Variants in RABL6 observed in about 807,000 individuals in gnomAD.
RABL6 encodes the protein RAB, member RAS oncogene family like 6, also known as rab-like protein 6.
RABL6 carries 28 observed loss-of-function variants against 72.9 expected under a neutral mutation model. That is an observed-to-expected ratio of 0.38 (90% CI 0.28 to 0.53). RABL6 has a LOEUF of 0.53. Ranked by LOEUF, RABL6 falls within the 20% of genes least tolerant of loss-of-function variation. The pLI is 0.80. For missense variants in RABL6, 1,029 were observed against 1,008.4 expected, an observed-to-expected ratio of 1.02 and a Z score of -0.28; for synonymous variants, 477 against 421.2, an observed-to-expected ratio of 1.13 and a Z score of -1.62.
Position 136,838,976 on chromosome 9 carries a change from C to T in RABL6, c.1348C>T (p.Gln450Ter). 6.2e-7 allele frequency: 1 copy of T among 1,611,528 alleles called. No homozygotes were observed. Among genetic ancestry groups the T allele is most frequent in the Non-Finnish European group, 8.5e-7 (1 of 1,179,400 alleles). Residue 450 changes from glutamine to a stop codon, truncating the protein, a stop_gained, in exon 11 of 15, where the codon CAG (glutamine) becomes TAG (stop). Transcript: ENST00000311502. LOFTEE classifies it high-confidence loss of function. ...GFQDDVDLED[Q>*]PRGSPPLPAG... ...CCAGGACGATGTGGACCTCGAAGAC[C>T]AGCCACGTGGGAGTCCCCCGCTGCC...
At chr9:136,838,569 C>T (rs936228007) in intron 10 of RABL6, among the ~76,000 whole-genome samples, 1 of 152,270 alleles carries the variant, frequency 6.6e-6, no homozygotes, top group Non-Finnish European at 1.5e-5. Flanking sequence ...TCACCCATTG[C>T]TGTGGGGCAG....
chr9:136,834,701 T>A lies in RABL6; in HGVS notation c.706-1041T>A, dbSNP rs545346470. Among the ~76,000 whole-genome samples, 187 of 152,182 alleles carry A rather than the reference T, an allele frequency of 1.2e-3. 1 individual carries two copies. Among genetic ancestry groups the A allele is most frequent in the Middle Eastern group, 6.8e-3 (2 of 294 alleles). The stretch of plus-strand genomic sequence containing the variant: ...GCCATATTGGCCAGGACGGTCTCGA[T>A]CTCTTGACCTCGTGATCTGCCCGCC... On this transcript the variant is annotated intron_variant, in intron 7 of 14. Transcript: ENST00000311502.
At chr9:136,832,405 G>A (rs764771028) in intron 7 of RABL6, 35 bp downstream of exon 7, 3 of 1,511,310 alleles carry the variant, frequency 2.0e-6, no homozygotes, top group East Asian at 2.3e-5. Flanking sequence ...AGTGGCTGCT[G>A]GTCTCTCACC....
rs1266786688 is a variant in RABL6 at position 136,828,491 on chromosome 9, A to G, written c.314-3A>G. On this transcript the variant is annotated splice_polypyrimidine_tract_variant and splice_region_variant and intron_variant, in intron 3 of 14. Transcript: ENST00000311502. The stretch of plus-strand genomic sequence containing the variant: ...TCGTAATTTTTGTTTGTTTTTAAAT[A>G]AGGAAAATGCAAAAAGCGAGGCGAC... 23 of 1,612,900 alleles carry G rather than the reference A, an allele frequency of 1.4e-5. No individual in the cohort carries two copies. The highest frequency in any genetic ancestry group is 1.9e-5 in the Non-Finnish European group (23 of 1,179,758).
At chr9:136,809,103 C>G (rs115829307) in intron 1 of RABL6, 1 of 152,318 alleles carries the variant, frequency 6.6e-6, no homozygotes, top group East Asian at 1.9e-4. Flanking sequence ...CATTGCTTCC[C>G]TCTTAGCCAT....
chr9:136,831,707 A>AC lies in RABL6; in HGVS notation c.459-12dup. 1 of 1,612,882 alleles carries AC rather than the reference A, an allele frequency of 6.2e-7. No individual in the cohort carries two copies. The highest frequency in any genetic ancestry group is 1.1e-5 in the South Asian group (1 of 91,078). On this transcript the variant is annotated splice_polypyrimidine_tract_variant and intron_variant, in intron 5 of 14. Coordinates refer to ENST00000311502, the MANE Select transcript of RABL6 (RefSeq NM_024718.5). ...AGGGCTGAAACTAAGCCAGGTCCTC[A>AC]CCTGTTCTCCGAGGACCTTCAATTA...
chr9:136,828,023 C>T (rs147874131), intron 3 of RABL6: 208 of 156,824 alleles, frequency 1.3e-3, no homozygotes, highest in African/African-American at 4.8e-3. Context: ...ATCCCTGCCC[C>T]CCTCTCCTTT....
Position 136,839,280 on chromosome 9 carries a change from C to A in RABL6, c.1552C>A (p.Pro518Thr), listed in dbSNP as rs1431988361. ...RGTAPTRTAAPPWPGGVSVRT... is the reference protein window; with the variant it reads ...RGTAPTRTAATPWPGGVSVRT... ...GACAGCTCCCACGAGGACCGCAGCA[C>A]CCCCCTGGCCAGGCGGTGTCTCTGT... is the stretch of plus-strand genomic sequence containing the variant. Residue 518 changes from proline (P) to threonine (T), a missense_variant, in exon 12 of 15, where the codon CCC becomes ACC. By Grantham distance (38) the Pro-to-Thr change is conservative. This residue lies in a region of RABL6 where 595 missense variants were observed against 472.4 expected (regional missense o/e 1.26). Transcript: ENST00000311502. The A allele has an allele frequency of 1.9e-6, 3 of 1,609,240 alleles. No homozygotes were observed. Among genetic ancestry groups the A allele is most frequent in the Admixed American group, 1.7e-5 (1 of 59,438 alleles).
At chr9:136,834,486 C>T (rs1848547289) in intron 7 of RABL6, 3 of 976,412 alleles carry the variant, frequency 3.1e-6, no homozygotes, top group Non-Finnish European at 3.7e-6. Flanking sequence ...GACTTTAATA[C>T]ACTCTTTTTT....
At chr9:136,829,690 G>A (rs564557027) in intron 5 of RABL6, among the ~76,000 whole-genome samples, 57 of 152,364 alleles carry the variant, frequency 3.7e-4, no homozygotes, top group Admixed American at 3.1e-3. Flanking sequence ...CCTATGGGGC[G>A]GGATGGCGTG....
intron 1 of RABL6, chr9:136,821,220 T>C: frequency 1.5e-6 from 1 of 680,268 alleles, no homozygotes; most frequent in Non-Finnish European, 1.8e-6. Flanking sequence ...CCCGTAGGGT[T>C]GAGGAGCCGA....
At chr9:136,828,307 A>G (rs1218381474) in intron 3 of RABL6, 187 bp from the exon 4 acceptor site, 1 of 609,842 alleles carries the variant, frequency 1.6e-6, no homozygotes, top group Non-Finnish European at 2.9e-6. Context: ...TCCAGAGCCT[A>G]CAGAGGGGCC....
chr9:136,841,172 C>T lies in RABL6; in HGVS notation c.*650C>T, dbSNP rs1329579474. 3 of 698,550 alleles carry T rather than the reference C, an allele frequency of 4.3e-6. No individual in the cohort carries two copies. Among genetic ancestry groups the T allele is most frequent in the Non-Finnish European group, 6.3e-6 (3 of 475,928 alleles). The allele number at this position is 698,550 out of a possible 1,614,324, so 43.3% of individuals were successfully genotyped here. ...AACACTCCACTCAGACCATAAAGCACTCCTGTTTCACTCTGCGTGTGTCTG... is the reference window on the plus strand; with the variant it reads ...AACACTCCACTCAGACCATAAAGCATTCCTGTTTCACTCTGCGTGTGTCTG... On this transcript the variant is annotated 3_prime_UTR_variant, in exon 15 of 15. Coordinates refer to ENST00000311502, the MANE Select transcript of RABL6 (RefSeq NM_024718.5).
intron 13 of RABL6, 118 bp from the exon 14 acceptor site, chr9:136,840,036 G>A (rs1161344207): frequency 1.3e-5 from 20 of 1,511,860 alleles, no homozygotes; most frequent in Non-Finnish European, 1.7e-5. Flanking sequence ...CTGTCCATCA[G>A]CAGGGCCTCC....
intron 7 of RABL6, chr9:136,835,128 G>C (rs1237236329): frequency 1.3e-5 from 2 of 152,188 alleles, no homozygotes; most frequent in Non-Finnish European, 2.9e-5. Context: ...GCCGGGCACG[G>C]TGGCTCCCGA....
rs776814697 is a variant in RABL6 at position 136,839,719 on chromosome 9, C to T, written c.1784C>T (p.Pro595Leu). ...GATGACTTTCCCGTGCGAGATGACCCCTCCGATGTGACTGACGAGGATGAG... is the reference window on the plus strand; with the variant it reads ...GATGACTTTCCCGTGCGAGATGACCTCTCCGATGTGACTGACGAGGATGAG... ...RADDFPVRDD[P>L]SDVTDEDEGP... The change falls in exon 13 of 15, where the codon CCC (proline) becomes CTC (leucine). Residue 595 changes from proline to leucine, a missense_variant. Physicochemically the swap from Pro to Leu is moderately conservative, Grantham distance 98. Transcript: ENST00000311502. The T allele has an allele frequency of 1.1e-5, 18 of 1,603,288 alleles. No individual in the cohort carries two copies. The African/African-American group carries it at 1.6e-4, about 14-fold the overall frequency.
intron 5 of RABL6, among the ~76,000 whole-genome samples, chr9:136,831,332 G>A (rs1035157705): frequency 6.6e-6 from 1 of 152,186 alleles, no homozygotes; most frequent in Non-Finnish European, 1.5e-5. Flanking sequence ...CAGGGAGCCT[G>A]GAGGACCAGC....
At chr9:136,820,475 A>G (rs578107631) in intron 1 of RABL6, among the ~76,000 whole-genome samples, 114 of 152,112 alleles carry the variant, frequency 7.5e-4, no homozygotes, top group Middle Eastern at 3.4e-3. Flanking sequence ...GGGGTTAAGC[A>G]ATTCTCCTGC....
chr9:136,822,153 C>T, intron 1 of RABL6: 3 of 1,199,582 alleles, frequency 2.5e-6, no homozygotes, highest in Non-Finnish European at 3.2e-6. Context: ...AGGCCGGGCG[C>T]CCTCTGCGTT....
Sources: gnomAD v4.1 joint callset for allele counts (sites outside exome capture counted in the v4.1 genomes callset) on GRCh38, gnomAD v4.1.1 for gene constraint, gnomAD v4.1.1 regional missense constraint, MANE v1.5 for transcripts, NCBI Gene and HGNC (gene_info 2026-07-23, HGNC 2026-07-21) for gene names.